CD4: variants seen among roughly 807,000 people sequenced by gnomAD.
CD4 encodes the protein CD4 molecule.
A neutral mutation model predicts 50.5 loss-of-function variants in CD4; 25 were observed. The ratio of observed to expected loss-of-function variants is 0.49; its 90% CI spans 0.36 to 0.69. The LOEUF is 0.69. CD4 is among the 30% of genes least tolerant of loss of function. The probability of loss-of-function intolerance (pLI) is 0.00; values close to 1 mark genes in which losing one functional copy is unlikely to be tolerated. For missense variants in CD4, 456 were observed against 548.5 expected (o/e 0.83, Z 1.68); for synonymous variants, 207 against 221.9 (o/e 0.93, Z 0.60).
At chr12:6,809,743 C>A (rs1942880735) in intron 3 of CD4, among the ~76,000 whole-genome samples, 1 of 152,132 alleles carries the variant, frequency 6.6e-6, no homozygotes, top group African/African-American at 2.4e-5. Flanking sequence ...GGACGTTCAC[C>A]CTCTCAGCGC....
chr12:6,793,688 CT>C (rs1204673831), intron 1 of CD4, among the ~76,000 whole-genome samples: 11 of 88,788 alleles, frequency 1.2e-4, no homozygotes, highest in Non-Finnish European at 2.0e-4. Flanking sequence ...ATCTATCTAT[CT>C]ATCTATCTAT....
chr12:6,816,190 T>C lies in CD4; in HGVS notation c.742T>C (p.Ser248Pro), dbSNP rs200100485. Residue 248 changes from serine to proline, a missense_variant, in exon 6 of 10, where the codon TCC (serine) becomes CCC (proline). Ser to Pro is a moderately conservative substitution (Grantham distance 74). Transcript: ENST00000011653. This position sits in a 1 kb window ranked among gnomAD's most constrained non-coding sequence, Gnocchi z 4.9. ...LWWQAERASS[S>P]KSWITFDLKN... ...GTGGCAGGCGGAGAGGGCTTCCTCC[T>C]CCAAGTCTTGGATCACCTTTGACCT... 1 of 1,614,134 alleles carries C rather than the reference T, an allele frequency of 6.2e-7. No individual in the cohort carries two copies. The highest frequency in any genetic ancestry group is 8.5e-7 in the Non-Finnish European group (1 of 1,180,002).
At chr12:6,800,699 T>C (rs1942517106) in intron 3 of CD4, among the ~76,000 whole-genome samples, 1 of 152,204 alleles carries the variant, frequency 6.6e-6, no homozygotes, top group Non-Finnish European at 1.5e-5. Context: ...GAACTTATTT[T>C]AGTGAGTTTT....
chr12:6,807,807 G>A (rs1443213063), intron 3 of CD4, among the ~76,000 whole-genome samples: 4 of 152,160 alleles, frequency 2.6e-5, no homozygotes, highest in African/African-American at 4.8e-5. Flanking sequence ...AATGCTAGGC[G>A]TGGTGGCTCA....
intron 3 of CD4, among the ~76,000 whole-genome samples, chr12:6,800,864 G>GGAGT (rs1374586969): frequency 6.6e-6 from 1 of 151,774 alleles, no homozygotes; most frequent in Non-Finnish European, 1.5e-5. Context: ...TTCAAGACCA[G>GGAGT]CCTGAACAAC....
intron 3 of CD4, among the ~76,000 whole-genome samples, chr12:6,805,664 G>A (rs1555116051): frequency 6.6e-6 from 1 of 152,110 alleles, no homozygotes; most frequent in African/African-American, 2.4e-5. Flanking sequence ...GGAGAGACAT[G>A]CTGTACTCAT....
In CD4 at chr12:6,818,278, T is replaced by C; in HGVS notation, c.1157-143T>C. ...AACCGATTCCCCAGCACTGGCGGCC[T>C]TTGAGAGCCCCCAGGCACCCCTCCC... On this transcript the variant is annotated intron_variant, in intron 7 of 9. Transcript: ENST00000011653. The surrounding 1 kb of genome is among the most constrained non-coding windows in gnomAD (Gnocchi z 5.0). 9.9e-7 allele frequency: 1 copy of C among 1,007,828 alleles called. No individual in the cohort carries two copies. The highest frequency in any genetic ancestry group is 1.5e-6 in the Non-Finnish European group (1 of 685,170). The allele number at this position is 1,007,828 out of a possible 1,614,324, so 62.4% of individuals were successfully genotyped here.
chr12:6,800,331 GA>G lies in CD4; in HGVS notation c.77del (p.Lys26ArgfsTer14). On this transcript the variant is annotated frameshift_variant, in exon 3 of 10. Transcript: ENST00000011653. LOFTEE classifies it high-confidence loss of function. Reference sequence around the variant, plus strand: ...GCGCTCCTCCCAGCAGCCACTCAGGGAAAGAAAGTGGTGCTGGGCAAAAAAG... The same window carrying G: ...GCGCTCCTCCCAGCAGCCACTCAGGGAAGAAAGTGGTGCTGGGCAAAAAAG... Reference protein sequence around the residue: ...QLALLPAATQGKKVVLGKKGD... With the variant: ...QLALLPAATQXKKVVLGKKGD... 1.9e-6 allele frequency: 3 copies of G among 1,614,068 alleles called. No individual in the cohort carries two copies. The highest frequency in any genetic ancestry group is 2.5e-6 in the Non-Finnish European group (3 of 1,180,006).
rs2137930772 is a variant in CD4, at chr12:6,818,596, A to G, written c.1278+54A>G. 1.2e-6 allele frequency: 2 copies of G among 1,606,120 alleles called. No individual in the cohort carries two copies. Among genetic ancestry groups the G allele is most frequent in the Non-Finnish European group, 8.5e-7 (1 of 1,176,138 alleles). On this transcript the variant is annotated intron_variant, in intron 8 of 9. Coordinates refer to ENST00000011653, the MANE Select transcript of CD4 (RefSeq NM_000616.5). The surrounding 1 kb of genome is among the most constrained non-coding windows in gnomAD (Gnocchi z 5.0). Reference sequence around the variant, plus strand: ...AGGCCCTCAAACCCCTGAGTCCTCTACCAGGAGATCCTGTATATGGGAACT... The same window carrying G: ...AGGCCCTCAAACCCCTGAGTCCTCTGCCAGGAGATCCTGTATATGGGAACT...
intron 1 of CD4, among the ~76,000 whole-genome samples, chr12:6,791,901 G>A (rs1359381927): frequency 2.6e-5 from 4 of 152,146 alleles, no homozygotes; most frequent in Non-Finnish European, 4.4e-5. Context: ...GATGAAGGTG[G>A]GGAATCAGAA....
chr12:6,818,379 T>A lies in CD4; in HGVS notation c.1157-42T>A, dbSNP rs1555118430. 1 of 1,608,038 alleles carries A rather than the reference T, an allele frequency of 6.2e-7. No homozygotes were observed. The highest frequency in any genetic ancestry group is 1.7e-5 in the Admixed American group (1 of 59,998). ...GGGCAGTCCTCAGTCCCCTGGCCCG[T>A]GGAGGAGGGCGGTGCATTGAGCACA... On this transcript the variant is annotated intron_variant, in intron 7 of 9. Coordinates refer to ENST00000011653, the MANE Select transcript of CD4 (RefSeq NM_000616.5). The surrounding 1 kb of genome is among the most constrained non-coding windows in gnomAD (Gnocchi z 5.0).
At chr12:6,801,152 C>T (rs1555115171) in intron 3 of CD4, among the ~76,000 whole-genome samples, 5 of 151,310 alleles carry the variant, frequency 3.3e-5, no homozygotes, top group African/African-American at 1.2e-4. Context: ...GTGATCCACT[C>T]ACCTTGGCCT....
chr12:6,818,706 G>C lies in CD4; in HGVS notation c.1279-141G>C, dbSNP rs1825463020. ...CCACTCAAGGGAGAGACAGGAAGGA[G>C]CAGAGAGTTAATTCCAGGATAGATG... On this transcript the variant is annotated intron_variant, in intron 8 of 9. Transcript: ENST00000011653. The surrounding 1 kb of genome is among the most constrained non-coding windows in gnomAD (Gnocchi z 5.0). 8.4e-7 allele frequency: 1 copy of C among 1,187,536 alleles called. No homozygotes were observed. Among genetic ancestry groups the C allele is most frequent in the African/African-American group, 1.5e-5 (1 of 66,304 alleles). The allele number at this position is 1,187,536 out of a possible 1,614,324, so 73.6% of individuals were successfully genotyped here.
At position 6,818,175 on chromosome 12, in the gene CD4, T is replaced by TCA. The variant is rs1555118399; in HGVS notation, c.1157-237_1157-236dup. On this transcript the variant is annotated intron_variant, in intron 7 of 9. Coordinates refer to ENST00000011653, the MANE Select transcript of CD4 (RefSeq NM_000616.5). This position sits in a 1 kb window ranked among gnomAD's most constrained non-coding sequence, Gnocchi z 5.0. ...CTCACACATGCACACACACATGCAC[T>TCA]CACACACACAGCCCAGGAGCCAGAC... 6.6e-6 allele frequency among the ~76,000 whole-genome samples: 1 copy of TCA among 151,558 alleles called. No homozygotes were observed. Among genetic ancestry groups the TCA allele is most frequent in the Non-Finnish European group, 1.5e-5 (1 of 67,824 alleles).
intron 3 of CD4, among the ~76,000 whole-genome samples, chr12:6,800,860 A>G (rs782544836): frequency 6.6e-6 from 1 of 151,844 alleles, no homozygotes; most frequent in Admixed American, 6.6e-5. Context: ...GGAGTTCAAG[A>G]CCAGCCTGAA....
intron 3 of CD4, among the ~76,000 whole-genome samples, chr12:6,800,975 G>A (rs1004809194): frequency 4.6e-5 from 7 of 151,088 alleles, no homozygotes; most frequent in African/African-American, 1.7e-4. Context: ...GTGTGATCTC[G>A]GCTCACTGCA....
At chr12:6,801,911 T>G (rs35496500) in intron 3 of CD4, among the ~76,000 whole-genome samples, 1 of 146,194 alleles carries the variant, frequency 6.8e-6, no homozygotes, top group Non-Finnish European at 1.5e-5. Flanking sequence ...CTCGATCTGT[T>G]GCCCAGGCTG....
chr12:6,817,664 A>G (rs2137924360), intron 7 of CD4, among the ~76,000 whole-genome samples: 1 of 151,706 alleles, frequency 6.6e-6, no homozygotes, highest in Admixed American at 6.6e-5. Flanking sequence ...TTACACACAC[A>G]CTCACACACA....
chr12:6,817,655 TACAC>T (rs1365068155), intron 7 of CD4, among the ~76,000 whole-genome samples: 1 of 151,706 alleles, frequency 6.6e-6, no homozygotes, highest in African/African-American at 2.4e-5. Context: ...CAGACGCACT[TACAC>T]ACACACTCAC....
Sources: gnomAD v4.1 joint callset for allele counts (sites outside exome capture counted in the v4.1 genomes callset) on GRCh38, gnomAD v4.1.1 for gene constraint, Gnocchi (gnomAD v3.1) non-coding constraint, MANE v1.5 for transcripts, NCBI Gene and HGNC (gene_info 2026-07-23, HGNC 2026-07-21) for gene names.